The following MR1 variants were observed in gnomAD, a reference collection of about 807,000 sequenced individuals.
MR1 encodes the protein major histocompatibility complex class I-related protein 1.
A neutral mutation model predicts 37.8 loss-of-function variants in MR1; 44 were observed. The ratio of observed to expected loss-of-function variants is 1.16; its 90% CI spans 0.91 to 1.50. MR1 has a LOEUF of 1.50. Ranked by LOEUF, MR1 falls within the 40% of genes most tolerant of loss-of-function variation. The probability of loss-of-function intolerance (pLI) is 0.00; values close to 1 mark genes in which losing one functional copy is unlikely to be tolerated. For missense variants in MR1, 386 were observed against 419.1 expected (o/e 0.92, Z 0.69); for synonymous variants, 153 against 155.8 (o/e 0.98, Z 0.13).
chr1:181,044,212 G>A (rs1459135241), intron 1 of MR1, among the ~76,000 whole-genome samples: 3 of 151,960 alleles, frequency 2.0e-5, no homozygotes. Context: ...ATCCGCCCGC[G>A]TCGGCCTCCC....
Position 181,060,871 on chromosome 1 carries a change from C to G in MR1, c.*5606C>G, listed in dbSNP as rs141691882. 9 of 152,214 alleles carry G rather than the reference C, an allele frequency of 5.9e-5. No individual in the cohort carries two copies. Among genetic ancestry groups the G allele is most frequent in the South Asian group, 2.1e-4 (1 of 4,834 alleles). 9.4% of individuals were successfully genotyped at this position (152,214 alleles called of 1,614,324 possible). A position where few individuals can be genotyped will look rare whatever the true frequency, so the allele number is the denominator to read the frequency against. On this transcript the variant is annotated 3_prime_UTR_variant, in exon 6 of 6. Transcript: ENST00000367580. ...GGGGAGATGCTGATGCCTTTCAGTA[C>G]TTAAATATGAGTTCAGACCCTGGGG...
At chr1:181,054,773 A>G (rs1054735016) in intron 5 of MR1, among the ~76,000 whole-genome samples, 36 of 152,162 alleles carry the variant, frequency 2.4e-4, no homozygotes, top group Non-Finnish European at 4.1e-4. Context: ...AGACAGGAGA[A>G]TCGCTTGAAC....
At position 181,058,257 on chromosome 1, in the gene MR1, C is replaced by T. The variant is rs1208905886; in HGVS notation, c.*2992C>T. ...ATGTTTTGGCTTTGAATTTTCTTTA[C>T]TGAATATTTTGGATCAAGAACACTA... On this transcript the variant is annotated 3_prime_UTR_variant, in exon 6 of 6. Coordinates refer to ENST00000367580, the MANE Select transcript of MR1 (RefSeq NM_001385161.1). 2.6e-5 allele frequency: 4 copies of T among 151,042 alleles called. No homozygotes were observed. The highest frequency in any genetic ancestry group is 9.7e-5 in the African/African-American group (4 of 41,054). 9.4% of individuals were successfully genotyped at this position (151,042 alleles called of 1,614,324 possible). A position where few individuals can be genotyped will look rare whatever the true frequency, so the allele number is the denominator to read the frequency against.
intron 1 of MR1, among the ~76,000 whole-genome samples, chr1:181,039,407 G>T (rs376045037): frequency 7.2e-5 from 11 of 152,176 alleles, no homozygotes; most frequent in African/African-American, 2.7e-4. Flanking sequence ...CTTTTCTGGC[G>T]CTTGCTGCTT....
In MR1 at chr1:181,059,182, A is replaced by G. The variant is rs1349223827; in HGVS notation, c.*3917A>G. The G allele has an allele frequency of 1.3e-5, 2 of 151,988 alleles. No individual in the cohort carries two copies. Among genetic ancestry groups the G allele is most frequent in the Admixed American group, 1.3e-4 (2 of 15,268 alleles). The allele number at this position is 151,988 out of a possible 1,614,324, so 9.4% of individuals were successfully genotyped here. A position where few individuals can be genotyped will look rare whatever the true frequency, so the allele number is the denominator to read the frequency against. ...CCTTTTCATCTTTTTTTTTTCCCCA[A>G]TAGCTTCAGGACATTCAGTACATTG... On this transcript the variant is annotated 3_prime_UTR_variant, in exon 6 of 6. Transcript: ENST00000367580.
chr1:181,051,894 C>G (rs981899272), intron 3 of MR1, among the ~76,000 whole-genome samples: 1 of 152,176 alleles, frequency 6.6e-6, no homozygotes, highest in Non-Finnish European at 1.5e-5. Context: ...GGAACAGTCA[C>G]TTACACATTT....
chr1:181,050,720 G>A, intron 3 of MR1: 1 of 217,860 alleles, frequency 4.6e-6, no homozygotes, highest in Non-Finnish European at 9.3e-6. Flanking sequence ...GGTTGGGCAT[G>A]ATGGCTCATG....
At chr1:181,039,587 CG>C (rs1350081985) in intron 1 of MR1, among the ~76,000 whole-genome samples, 1 of 152,090 alleles carries the variant, frequency 6.6e-6, no homozygotes, top group Non-Finnish European at 1.5e-5. Flanking sequence ...CCCATGAGGC[CG>C]GGCGCGGTGG....
chr1:181,038,353 A>G (rs543551511), intron 1 of MR1, among the ~76,000 whole-genome samples: 1 of 152,326 alleles, frequency 6.6e-6, no homozygotes, highest in South Asian at 2.1e-4. Context: ...AGATGTGTCC[A>G]AAGGTCCCCT....
chr1:181,038,369 A>G (rs1657379876), intron 1 of MR1, among the ~76,000 whole-genome samples: 1 of 152,214 alleles, frequency 6.6e-6, no homozygotes. Context: ...CCCCTTAACT[A>G]AAAATATTGC....
intron 1 of MR1, among the ~76,000 whole-genome samples, chr1:181,041,822 T>TA (rs1437144527): frequency 6.6e-6 from 1 of 152,204 alleles, no homozygotes; most frequent in Admixed American, 6.5e-5. Flanking sequence ...CACTGTACTT[T>TA]AAAAAAATTA....
chr1:181,058,283 G>T lies in MR1; in HGVS notation c.*3018G>T, dbSNP rs576061916. On this transcript the variant is annotated 3_prime_UTR_variant, in exon 6 of 6. Transcript: ENST00000367580. Reference sequence around the variant, plus strand: ...TGAATATTTTGGATCAAGAACACTAGATGAGAAACCTGTTCAACTCTGTTC... The same window carrying T: ...TGAATATTTTGGATCAAGAACACTATATGAGAAACCTGTTCAACTCTGTTC... 6.6e-6 allele frequency: 1 copy of T among 150,790 alleles called. No homozygotes were observed. Among genetic ancestry groups the T allele is most frequent in the African/African-American group, 2.4e-5 (1 of 41,060 alleles). The allele number at this position is 150,790 out of a possible 1,614,324, so 9.3% of individuals were successfully genotyped here.
intron 1 of MR1, 101 bp from the exon 2 acceptor site, chr1:181,048,951 A>G: frequency 2.1e-6 from 3 of 1,429,140 alleles, no homozygotes; most frequent in Non-Finnish European, 2.9e-6. Context: ...AGGCCTGGGT[A>G]CAGCTGAGTA....
rs1410401666 is a variant in MR1, at chr1:181,046,692, C to A, written c.68-2360C>A. 5.3e-5 allele frequency among the ~76,000 whole-genome samples: 8 copies of A among 152,232 alleles called. No individual in the cohort carries two copies. The South Asian group carries it at 1.2e-3, about 24-fold the overall frequency. On this transcript the variant is annotated intron_variant, in intron 1 of 5. Coordinates refer to ENST00000367580, the MANE Select transcript of MR1 (RefSeq NM_001385161.1). ...CGGGTCCGCTTCCACACTGTGGAAG[C>A]TTTGTTGTTTCGCTCTTTGCAATAA...
rs1658219536 is a variant in MR1, at chr1:181,050,132, C to T, written c.450C>T (p.Ser150=). The T allele has an allele frequency of 1.2e-6, 2 of 1,614,230 alleles. No homozygotes were observed. Among genetic ancestry groups the T allele is most frequent in the Non-Finnish European group, 1.7e-6 (2 of 1,180,034 alleles). Residue 150 remains serine, a synonymous_variant, in exon 3 of 6, where the codon TCC becomes TCT. Transcript: ENST00000367580. ...DFLIFNKDTL[S]WLAVDNVAHT... Reference sequence around the variant, plus strand: ...TGATCTTCAATAAAGACACCCTCTCCTGGCTGGCTGTAGATAATGTGGCTC... The same window carrying T: ...TGATCTTCAATAAAGACACCCTCTCTTGGCTGGCTGTAGATAATGTGGCTC...
chr1:181,059,586 G>A lies in MR1; in HGVS notation c.*4321G>A, dbSNP rs1658807864. ...GCTACATCTCCTCCATGTAGTCTCA[G>A]GAACTCTCCATGTAATCTCTCTGTG... On this transcript the variant is annotated 3_prime_UTR_variant, in exon 6 of 6. Transcript: ENST00000367580. 1 of 152,662 alleles carries A rather than the reference G, an allele frequency of 6.6e-6. No individual in the cohort carries two copies. The highest frequency in any genetic ancestry group is 6.5e-5 in the Admixed American group (1 of 15,288). 9.5% of individuals were successfully genotyped at this position (152,662 alleles called of 1,614,324 possible).
chr1:181,042,332 G>T (rs1397116658), intron 1 of MR1, among the ~76,000 whole-genome samples: 2 of 151,020 alleles, frequency 1.3e-5, no homozygotes, highest in African/African-American at 4.9e-5. Context: ...CTCCCTAGTA[G>T]CTGGGATTAC....
At chr1:181,034,457 A>G (rs913147884) in intron 1 of MR1, among the ~76,000 whole-genome samples, 3 of 135,244 alleles carry the variant, frequency 2.2e-5, no homozygotes, top group South Asian at 2.3e-4. Context: ...GAGTAGATCC[A>G]TTGTTCAGGT....
intron 1 of MR1, among the ~76,000 whole-genome samples, chr1:181,045,798 G>A (rs1571387108): frequency 6.6e-6 from 1 of 152,348 alleles, no homozygotes; most frequent in East Asian, 1.9e-4. Context: ...GGCCAAAGCC[G>A]GAGCCCGCTC....
Sources: gnomAD v4.1 joint callset for allele counts (sites outside exome capture counted in the v4.1 genomes callset) on GRCh38, gnomAD v4.1.1 for gene constraint, MANE v1.5 for transcripts, NCBI Gene and HGNC (gene_info 2026-07-23, HGNC 2026-07-21) for gene names.